Variants in INTS10 observed in about 807,000 individuals in gnomAD.
The protein encoded by INTS10 is integrator complex subunit 10.
A neutral mutation model predicts 94.4 loss-of-function variants in INTS10; 44 were observed. That is an observed-to-expected ratio of 0.47 (90% confidence interval 0.37 to 0.60). INTS10 has a LOEUF of 0.60. INTS10 is among the 20% of genes least tolerant of loss of function. INTS10 has a pLI of 0.00. For missense variants in INTS10, 797 were observed against 868.7 expected (o/e 0.92, Z 1.04); for synonymous variants, 341 against 320.7 (o/e 1.06, Z -0.68).
intron 16 of INTS10, among the ~76,000 whole-genome samples, chr8:19,848,020 G>A (rs924032753): frequency 2.6e-5 from 4 of 152,194 alleles, no homozygotes; most frequent in African/African-American, 7.2e-5. Context: ...ATCTGACCTC[G>A]TAGGGATTTG....
chr8:19,847,022 T>C (rs1236625527), intron 16 of INTS10, among the ~76,000 whole-genome samples: 1 of 152,252 alleles, frequency 6.6e-6, no homozygotes, highest in Non-Finnish European at 1.5e-5. Flanking sequence ...CATCTTGTTC[T>C]ATCTTGATAG....
chr8:19,833,290 C>T lies in INTS10; in HGVS notation c.1499C>T (p.Ala500Val), dbSNP rs750982578. 9 of 1,611,980 alleles carry T rather than the reference C, an allele frequency of 5.6e-6. No homozygotes were observed. Among genetic ancestry groups the T allele is most frequent in the African/African-American group, 1.3e-5 (1 of 74,720 alleles). The change falls in exon 12 of 17, where the codon GCG (alanine) becomes GTG (valine). Residue 500 changes from alanine to valine, a missense_variant. Ala to Val is a moderately conservative substitution (Grantham distance 64). This residue lies in a region of INTS10 where 734 missense variants were observed against 787.8 expected (regional missense o/e 0.93). Coordinates refer to ENST00000397977, the MANE Select transcript of INTS10 (RefSeq NM_018142.4). ...CATCAGAGGGCGCTCATCCAGCTGG[C>T]GACGTGCCACTTTGCGCTAGGGGAG... ...LEHQRALIQL[A>V]TCHFALGEYR...
intron 16 of INTS10, among the ~76,000 whole-genome samples, chr8:19,848,271 CG>C (rs2068741871): frequency 6.6e-6 from 1 of 152,130 alleles, no homozygotes. Flanking sequence ...CACTTCTCCC[CG>C]GGGGTAAGGC....
At chr8:19,850,145 G>A (rs10888174) in intron 16 of INTS10, among the ~76,000 whole-genome samples, 61,894 of 134,952 alleles carry the variant, frequency 0.46, 15,133 homozygotes, top group Middle Eastern at 0.66. Context: ...AAAAAAAAAA[G>A]AAAGAAAGAA....
At chr8:19,835,523 T>G (rs756698275) in intron 12 of INTS10, among the ~76,000 whole-genome samples, 1 of 152,206 alleles carries the variant, frequency 6.6e-6, no homozygotes, top group African/African-American at 2.4e-5. Flanking sequence ...GGAAGGGTGT[T>G]TTCTTTGTTG....
intron 6 of INTS10, among the ~76,000 whole-genome samples, 154 bp from the exon 7 acceptor site, chr8:19,823,719 C>G (rs994354475): frequency 2.6e-5 from 4 of 152,110 alleles, no homozygotes; most frequent in African/African-American, 9.7e-5. Flanking sequence ...CTTGCTTATA[C>G]CAGTGGCCTC....
intron 5 of INTS10, 43 bp downstream of exon 5, chr8:19,822,563 T>C (rs1287346569): frequency 8.3e-7 from 1 of 1,209,574 alleles, no homozygotes; most frequent in Non-Finnish European, 1.2e-6. Context: ...GGTAAATTAA[T>C]ATGCTGGGGT....
chr8:19,824,247 T>A (rs2066618289), intron 7 of INTS10: 1 of 419,950 alleles, frequency 2.4e-6, no homozygotes, highest in Non-Finnish European at 4.2e-6. Flanking sequence ...ATCCCAGTGC[T>A]TTGGGAGGCT....
chr8:19,842,368 A>G lies in INTS10; in HGVS notation c.1640-480A>G, dbSNP rs759405481. On this transcript the variant is annotated intron_variant, in intron 13 of 16. Transcript: ENST00000397977. ...AGACTGAAAGCATGCAGAACAATCC[A>G]TTGTTGTTTACGTGTGTAACAGTCA... Among the ~76,000 whole-genome samples the G allele has an allele frequency of 2.8e-4, 42 of 152,308 alleles. 1 individual carries two copies. The Middle Eastern group carries it at 0.034, about 123-fold the overall frequency.
chr8:19,841,020 T>C (rs1055792661), intron 13 of INTS10, among the ~76,000 whole-genome samples: 17 of 152,178 alleles, frequency 1.1e-4, no homozygotes, highest in African/African-American at 3.9e-4. Context: ...TCAAGACTTA[T>C]TTTAAAGCTT....
rs2067207252 is a variant in INTS10 at position 19,831,251 on chromosome 8, C to T, written c.1294+692C>T. Among the ~76,000 whole-genome samples, 2 of 152,178 alleles carry T rather than the reference C, an allele frequency of 1.3e-5. 1 individual carries two copies. Among genetic ancestry groups the T allele is most frequent in the African/African-American group, 4.8e-5 (2 of 41,444 alleles). ...TTTTCTAAGTAAATTCAGCACCGTT[C>T]AGTTTCTCTTTGTTACATTTGGGAT... On this transcript the variant is annotated intron_variant, in intron 10 of 16. Coordinates refer to ENST00000397977, the MANE Select transcript of INTS10 (RefSeq NM_018142.4).
At position 19,846,932 on chromosome 8, in the gene INTS10, A is replaced by G. The variant is rs1590069283; in HGVS notation, c.1976+1135A>G. ...ACTGAATCCTGAATGAGAAGAAAGTACTGCTAAAACTAAAAACATTTTTCT... is the reference window on the plus strand; with the variant it reads ...ACTGAATCCTGAATGAGAAGAAAGTGCTGCTAAAACTAAAAACATTTTTCT... On this transcript the variant is annotated intron_variant, in intron 16 of 16. Transcript: ENST00000397977. The surrounding 1 kb of genome is among the most constrained non-coding windows in gnomAD (Gnocchi z 4.2). 6.6e-6 allele frequency among the ~76,000 whole-genome samples: 1 copy of G among 152,240 alleles called. No individual in the cohort carries two copies. Among genetic ancestry groups the G allele is most frequent in the Non-Finnish European group, 1.5e-5 (1 of 68,040 alleles).
chr8:19,826,596 G>A (rs1386910075), intron 9 of INTS10, 37 bp downstream of exon 9: 6 of 1,577,966 alleles, frequency 3.8e-6, no homozygotes. Flanking sequence ...CAGATTGGAT[G>A]GGACGCTTTG....
At chr8:19,830,367 A>T in intron 9 of INTS10, 39 bp from the exon 10 acceptor site, 3 of 1,574,976 alleles carry the variant, frequency 1.9e-6, no homozygotes, top group Non-Finnish European at 2.6e-6. Flanking sequence ...GACTATATTT[A>T]TAACTGAATT....
chr8:19,824,019 G>A lies in INTS10; in HGVS notation c.811G>A (p.Glu271Lys). ...KILNVVGMRCEWQMDKGRRSY... is the reference protein window; with the variant it reads ...KILNVVGMRCKWQMDKGRRSY... Reference sequence around the variant, plus strand: ...TTTGAATGTTGTTGGAATGAGATGTGAATGGCAGATGGATAAAGGAAGACG... The same window carrying A: ...TTTGAATGTTGTTGGAATGAGATGTAAATGGCAGATGGATAAAGGAAGACG... Residue 271 changes from glutamate (E) to lysine (K), a missense_variant, in exon 7 of 17, where the codon GAA becomes AAA. Glu to Lys is a moderately conservative substitution (Grantham distance 56). This residue lies in a region of INTS10 where 734 missense variants were observed against 787.8 expected (regional missense o/e 0.93). Coordinates refer to ENST00000397977, the MANE Select transcript of INTS10 (RefSeq NM_018142.4). The A allele has an allele frequency of 6.2e-7, 1 of 1,611,010 alleles. No individual in the cohort carries two copies. The highest frequency in any genetic ancestry group is 8.5e-7 in the Non-Finnish European group (1 of 1,178,912).
chr8:19,830,614 C>G lies in INTS10; in HGVS notation c.1294+55C>G. The G allele has an allele frequency of 8.0e-6, 12 of 1,492,936 alleles. 1 individual carries two copies. In the South Asian group the frequency reaches 1.3e-4, roughly 16 times the overall value. The allele number at this position is 1,492,936 out of a possible 1,614,324, so 92.5% of individuals were successfully genotyped here. ...TGATGTTTTATATAAAATCATTACG[C>G]TACTTCAAATGTCAGGTCACTTACG... is the stretch of plus-strand genomic sequence containing the variant. On this transcript the variant is annotated intron_variant, in intron 10 of 16. Coordinates refer to ENST00000397977, the MANE Select transcript of INTS10 (RefSeq NM_018142.4).
chr8:19,851,725 C>T lies in INTS10; in HGVS notation c.2053C>T (p.Arg685Cys), dbSNP rs767108593. 5.6e-6 allele frequency: 9 copies of T among 1,613,688 alleles called. No homozygotes were observed. The highest frequency in any genetic ancestry group is 3.3e-5 in the South Asian group (3 of 91,074). Residue 685 changes from arginine (R) to cysteine (C), a missense_variant, in exon 17 of 17, where the codon CGC (arginine) becomes TGC (cysteine). Transcript: ENST00000397977. The surrounding 1 kb of genome is among the most constrained non-coding windows in gnomAD (Gnocchi z 5.0). ...FRLAMERQVSRCGENLMVVLH... is the reference protein window; with the variant it reads ...FRLAMERQVSCCGENLMVVLH... Reference sequence around the variant, plus strand: ...CCTGGCCATGGAGCGCCAGGTCTCCCGCTGTGGAGAGAATCTGATGGTGGT... The same window carrying T: ...CCTGGCCATGGAGCGCCAGGTCTCCTGCTGTGGAGAGAATCTGATGGTGGT...
intron 13 of INTS10, 130 bp from the exon 14 acceptor site, chr8:19,842,718 T>C: frequency 1.0e-5 from 6 of 582,888 alleles, no homozygotes; most frequent in Non-Finnish European, 1.5e-5. Flanking sequence ...TCAAATATAA[T>C]TGAAATTGTG....
chr8:19,838,000 G>T (rs529327588), intron 13 of INTS10, among the ~76,000 whole-genome samples: 1 of 152,054 alleles, frequency 6.6e-6, no homozygotes, highest in Non-Finnish European at 1.5e-5. Flanking sequence ...TAACAACTTA[G>T]ATGAAATGAA....
Sources: allele counts gnomAD v4.1 joint callset (sites outside exome capture counted in the v4.1 genomes callset), GRCh38; gene constraint gnomAD v4.1.1; regional missense constraint gnomAD v4.1.1; non-coding constraint Gnocchi (gnomAD v3.1); transcripts MANE v1.5; gene names NCBI Gene and HGNC (gene_info 2026-07-23, HGNC 2026-07-21).